EIF3B: variants seen among roughly 807,000 people sequenced by gnomAD.
The protein encoded by EIF3B is eukaryotic translation initiation factor 3 subunit B.
In EIF3B, 10 loss-of-function variants were observed where a neutral mutation model predicts 104.6. The observed-to-expected ratio is 0.10, with a 90% CI of 0.06 to 0.16. The LOEUF (loss-of-function observed/expected upper bound fraction) is 0.16. Ranked by LOEUF, EIF3B falls within the 10% of genes least tolerant of loss-of-function variation. The pLI, the probability that EIF3B is intolerant of heterozygous loss-of-function variation, is 1.00. For missense variants in EIF3B, 1,014 were observed against 1,087.9 expected, an observed-to-expected ratio of 0.93 and a Z score of 0.96; for synonymous variants, 542 against 417.2, an observed-to-expected ratio of 1.30 and a Z score of -3.65.
chr7:2,364,833 G>A (rs1583161137), intron 6 of EIF3B, among the ~76,000 whole-genome samples: 1 of 152,314 alleles, frequency 6.6e-6, no homozygotes, highest in East Asian at 1.9e-4. Flanking sequence ...ACTGACTTCA[G>A]GGATTTACCA....
In EIF3B at chr7:2,379,889, G is replaced by C. The variant is rs554720963; in HGVS notation, c.*15-315G>C. ...GTGCACGGCTGTGACTGTGGTTTCAGCAGTTCTGAGACAAGAGCCTTCCAA... is the reference window on the plus strand; with the variant it reads ...GTGCACGGCTGTGACTGTGGTTTCACCAGTTCTGAGACAAGAGCCTTCCAA... On this transcript the variant is annotated intron_variant, in intron 18 of 18. Coordinates refer to ENST00000360876, the MANE Select transcript of EIF3B (RefSeq NM_001037283.2). 2.6e-5 allele frequency: 7 copies of C among 272,696 alleles called. 1 individual carries two copies. In the Middle Eastern group the frequency reaches 4.0e-3, roughly 156 times the overall value. The allele number at this position is 272,696 out of a possible 1,614,324, so 16.9% of individuals were successfully genotyped here. A position where few individuals can be genotyped will look rare whatever the true frequency, so the allele number is the denominator to read the frequency against.
chr7:2,358,754 C>G (rs1779585356), intron 1 of EIF3B, among the ~76,000 whole-genome samples: 1 of 152,050 alleles, frequency 6.6e-6, no homozygotes, highest in Non-Finnish European at 1.5e-5. Flanking sequence ...GTCTTGAACT[C>G]CTGGCCTCAG....
chr7:2,359,061 G>GA (rs143811813), intron 1 of EIF3B, among the ~76,000 whole-genome samples: 1,508 of 148,364 alleles, frequency 0.01, 26 homozygotes, highest in African/African-American at 0.035. Context: ...TCTTTACAAA[G>GA]AAAAAAAAAA....
At chr7:2,374,405 T>C (rs1780525916) in intron 12 of EIF3B, 123 bp from the exon 13 acceptor site, 2 of 780,690 alleles carry the variant, frequency 2.6e-6, no homozygotes, top group African/African-American at 3.4e-5. Flanking sequence ...TTTTCCGAGG[T>C]GGTCCAGCAT....
intron 6 of EIF3B, 23 bp from the exon 7 acceptor site, chr7:2,366,294 A>G (rs1460349616): frequency 1.3e-6 from 2 of 1,579,888 alleles, no homozygotes; most frequent in African/African-American, 2.7e-5. Flanking sequence ...AGGATAGTGT[A>G]CAGTGTTGCC....
chr7:2,367,227 C>T, intron 9 of EIF3B, 182 bp downstream of exon 9: 1 of 568,788 alleles, frequency 1.8e-6, no homozygotes. Flanking sequence ...GGTGACGGCC[C>T]ACCTCCCTCC....
rs779433541 is a variant in EIF3B, at chr7:2,372,791, C to T, written c.1806C>T (p.Leu602=). ...TCAAAAACAACGGGAAGATTGAACTCATCAGTAAGTAACCTGGTCCCTTTC... is the reference window on the plus strand; with the variant it reads ...TCAAAAACAACGGGAAGATTGAACTTATCAGTAAGTAACCTGGTCCCTTTC... ...YHVKNNGKIE[L]IKMFDKQQAN... Residue 602 remains leucine, a synonymous_variant, in exon 12 of 19, where the codon CTC becomes CTT. Coordinates refer to ENST00000360876, the MANE Select transcript of EIF3B (RefSeq NM_001037283.2). 6.8e-6 allele frequency: 11 copies of T among 1,613,890 alleles called. No individual in the cohort carries two copies. The Admixed American group carries it at 1.7e-4, about 24-fold the overall frequency.
chr7:2,354,705 G>A (rs960842884), upstream of EIF3B, among the ~76,000 whole-genome samples: 2 of 152,116 alleles, frequency 1.3e-5, no homozygotes, highest in African/African-American at 2.4e-5. Flanking sequence ...AAATATATCA[G>A]TTTGATGATT....
At chr7:2,358,784 C>G (rs776351751) in intron 1 of EIF3B, among the ~76,000 whole-genome samples, 30 of 151,576 alleles carry the variant, frequency 2.0e-4, no homozygotes, top group Non-Finnish European at 3.5e-4. Flanking sequence ...CTGCCTCGGC[C>G]TCCCAAAATG....
upstream of EIF3B, chr7:2,354,088 G>C (rs766989975): frequency 6.6e-6 from 1 of 152,426 alleles, no homozygotes; most frequent in Non-Finnish European, 1.5e-5. Flanking sequence ...GCCCCCACGT[G>C]ACCCGCGCTG....
At position 2,380,365 on chromosome 7, in the gene EIF3B, T is replaced by G. The variant is rs765061561; in HGVS notation, c.*176T>G. 1.2e-5 allele frequency: 6 copies of G among 518,776 alleles called. No homozygotes were observed. The East Asian group carries it at 3.3e-4, about 28-fold the overall frequency. 32.1% of individuals were successfully genotyped at this position (518,776 alleles called of 1,614,324 possible). ...CTCCCTGTGCTCTCTGGCTCTGGAC[T>G]GTGACTGCGCCTGGATTCTGCCATT... is the stretch of plus-strand genomic sequence containing the variant. On this transcript the variant is annotated 3_prime_UTR_variant, in exon 19 of 19. Transcript: ENST00000360876.
upstream of EIF3B, chr7:2,354,725 G>A (rs776235232): frequency 7.8e-6 from 2 of 255,076 alleles, no homozygotes; most frequent in Non-Finnish European, 1.3e-5. Context: ...TTTCGGGCGC[G>A]GTCTTGTGGA....
At position 2,371,861 on chromosome 7, in the gene EIF3B, T is replaced by C; in HGVS notation, c.1687+12T>C. On this transcript the variant is annotated intron_variant, in intron 11 of 18. Transcript: ENST00000360876. ...GGTCGAGATGAAAGGCAAGTTGTAT[T>C]TTAGTCACTTTGAGGCGAATGGGGC... The C allele has an allele frequency of 6.2e-7, 1 of 1,611,050 alleles. No individual in the cohort carries two copies. The highest frequency in any genetic ancestry group is 8.5e-7 in the Non-Finnish European group (1 of 1,177,364).
In EIF3B at chr7:2,380,699, T is replaced by A; in HGVS notation, c.*510T>A. On this transcript the variant is annotated 3_prime_UTR_variant, in exon 19 of 19. Coordinates refer to ENST00000360876, the MANE Select transcript of EIF3B (RefSeq NM_001037283.2). ...CCCACCGTGCAGGTTGTGGCCGGTT[T>A]TCTCCGCAGGTTGAACATGGAAATA... The A allele has an allele frequency of 5.7e-6, 1 of 173,916 alleles. No individual in the cohort carries two copies. The highest frequency in any genetic ancestry group is 1.2e-5 in the Non-Finnish European group (1 of 80,278). 10.8% of individuals were successfully genotyped at this position (173,916 alleles called of 1,614,324 possible).
At chr7:2,375,672 G>A (rs1014310224) in intron 14 of EIF3B, 145 bp downstream of exon 14, 8 of 1,215,338 alleles carry the variant, frequency 6.6e-6, no homozygotes, top group Non-Finnish European at 9.2e-6. Context: ...GTTAGTGGCA[G>A]GAGGAGGAGG....
chr7:2,377,125 C>T lies in EIF3B; in HGVS notation c.2154+50C>T, dbSNP rs780581323. Reference sequence around the variant, plus strand: ...GCAGGGCACATGGAGGCAATTGTGGCGTTGAAAAGGTGTCAGTTTTTTCTG... The same window carrying T: ...GCAGGGCACATGGAGGCAATTGTGGTGTTGAAAAGGTGTCAGTTTTTTCTG... On this transcript the variant is annotated intron_variant, in intron 15 of 18. Transcript: ENST00000360876. The T allele has an allele frequency of 6.3e-5, 97 of 1,551,238 alleles. 1 individual carries two copies. The South Asian group carries it at 7.6e-4, about 12-fold the overall frequency.
At chr7:2,375,661 T>C in intron 14 of EIF3B, 134 bp downstream of exon 14, 1 of 1,326,562 alleles carries the variant, frequency 7.5e-7, no homozygotes, top group Non-Finnish European at 1.0e-6. Context: ...CCTTGGCTGG[T>C]GTTAGTGGCA....
chr7:2,379,470 A>G lies in EIF3B; in HGVS notation c.2418A>G (p.Glu806=). The part of the protein sequence containing the change: ...EETIEFFVTE[E]IIPLGNQE The stretch of plus-strand genomic sequence containing the variant: ...CCATTGAGTTCTTCGTCACTGAAGA[A>G]ATCATTCCCCTCGGGAATCAGGAGT... Residue 806 remains glutamate, a synonymous_variant, in exon 18 of 19, where the codon GAA becomes GAG. Coordinates refer to ENST00000360876, the MANE Select transcript of EIF3B (RefSeq NM_001037283.2). 6.3e-7 allele frequency: 1 copy of G among 1,583,702 alleles called. No homozygotes were observed. Among genetic ancestry groups the G allele is most frequent in the Non-Finnish European group, 8.6e-7 (1 of 1,164,566 alleles).
rs1287588516 is a variant in EIF3B, at chr7:2,380,381, T to A, written c.*192T>A. The A allele has an allele frequency of 1.9e-6, 1 of 518,906 alleles. No individual in the cohort carries two copies. The highest frequency in any genetic ancestry group is 1.9e-5 in the Admixed American group (1 of 51,584). The allele number at this position is 518,906 out of a possible 1,614,324, so 32.1% of individuals were successfully genotyped here. On this transcript the variant is annotated 3_prime_UTR_variant, in exon 19 of 19. Coordinates refer to ENST00000360876, the MANE Select transcript of EIF3B (RefSeq NM_001037283.2). Reference sequence around the variant, plus strand: ...GCTCTGGACTGTGACTGCGCCTGGATTCTGCCATTGCGACACATTTTTGTG... The same window carrying A: ...GCTCTGGACTGTGACTGCGCCTGGAATCTGCCATTGCGACACATTTTTGTG...
Sources: gnomAD v4.1 joint callset for allele counts (sites outside exome capture counted in the v4.1 genomes callset) on GRCh38, gnomAD v4.1.1 for gene constraint, MANE v1.5 for transcripts, NCBI Gene and HGNC (gene_info 2026-07-23, HGNC 2026-07-21) for gene names.